Variants in FRMD4A observed in about 807,000 individuals in gnomAD.
FRMD4A encodes FERM domain-containing protein 4A.
In FRMD4A, 29 loss-of-function variants were observed where a neutral mutation model predicts 129.1. The ratio of observed to expected loss-of-function variants is 0.22; its 90% CI spans 0.17 to 0.31. FRMD4A has a LOEUF of 0.31. Ranked by LOEUF, FRMD4A falls within the 10% of genes least tolerant of loss-of-function variation. The pLI is 1.00. For missense variants in FRMD4A, 1,272 were observed against 1,375.8 expected (o/e 0.92, Z 1.19); for synonymous variants, 634 against 571.6 (o/e 1.11, Z -1.56).
intron 2 of FRMD4A, among the ~76,000 whole-genome samples, chr10:14,045,304 T>A (rs1268571516): frequency 6.6e-6 from 1 of 152,128 alleles, no homozygotes; most frequent in Non-Finnish European, 1.5e-5. Flanking sequence ...CAACATCTGG[T>A]GTGTTCTCAC....
At chr10:14,066,008 TTGTG>T (rs61167438) in intron 2 of FRMD4A, among the ~76,000 whole-genome samples, 127 of 139,222 alleles carry the variant, frequency 9.1e-4, no homozygotes, top group East Asian at 2.4e-3. Context: ...GGGTATGTAT[TTGTG>T]TGTGTGTGTG....
chr10:14,301,622 A>AT (rs571546393), intron 2 of FRMD4A, among the ~76,000 whole-genome samples: 4 of 152,012 alleles, frequency 2.6e-5, no homozygotes, highest in African/African-American at 4.8e-5. Context: ...TTTCTGTTGG[A>AT]TTTTTTTTCA....
intron 12 of FRMD4A, among the ~76,000 whole-genome samples, chr10:13,731,979 G>T (rs902873105): frequency 3.3e-5 from 5 of 152,150 alleles, no homozygotes; most frequent in Non-Finnish European, 7.3e-5. Flanking sequence ...TGTGTACCCT[G>T]CAGGCAATGA....
chr10:13,967,291 C>A (rs1244921985), intron 2 of FRMD4A, among the ~76,000 whole-genome samples: 2 of 151,874 alleles, frequency 1.3e-5, no homozygotes, highest in African/African-American at 2.4e-5. Flanking sequence ...GAGCTGAGAT[C>A]GCGCCACTGC....
chr10:13,730,227 A>G (rs2090227757), intron 12 of FRMD4A, among the ~76,000 whole-genome samples: 1 of 152,184 alleles, frequency 6.6e-6, no homozygotes, highest in Admixed American at 6.5e-5. Flanking sequence ...CCCCTCCCCT[A>G]CAGAGAGAGC....
intron 5 of FRMD4A, among the ~76,000 whole-genome samples, chr10:13,789,366 T>G (rs1482656147): frequency 2.0e-5 from 3 of 152,180 alleles, no homozygotes; most frequent in Admixed American, 2.0e-4. Context: ...CTCTCTTATT[T>G]TTTTGCTGCT....
intron 3 of FRMD4A, among the ~76,000 whole-genome samples, chr10:13,813,057 C>T (rs1467265227): frequency 6.6e-6 from 1 of 152,230 alleles, no homozygotes; most frequent in African/African-American, 2.4e-5. Flanking sequence ...CTGTGGCCAG[C>T]ACTAGCTCCA....
intron 15 of FRMD4A, among the ~76,000 whole-genome samples, chr10:13,680,493 C>T (rs1009620862): frequency 1.6e-4 from 24 of 151,874 alleles, no homozygotes; most frequent in African/African-American, 4.4e-4. Flanking sequence ...TTTGGGAGGC[C>T]GAGGTGGGCA....
chr10:14,161,636 G>A lies in FRMD4A; in HGVS notation c.45+168422C>T, dbSNP rs115052773. 1.9e-3 allele frequency among the ~76,000 whole-genome samples: 288 copies of A among 152,278 alleles called. 1 individual carries two copies. The highest frequency in any genetic ancestry group is 6.5e-3 in the African/African-American group (270 of 41,554). ...GTTGATCTCGTAGAGACAGAGAGTAGCATAATACTTACCAGAGGCTTGGAG... is the reference window on the plus strand; with the variant it reads ...GTTGATCTCGTAGAGACAGAGAGTAACATAATACTTACCAGAGGCTTGGAG... On this transcript the variant is annotated intron_variant, in intron 2 of 24. Transcript: ENST00000357447.
intron 2 of FRMD4A, among the ~76,000 whole-genome samples, chr10:14,053,021 CA>C: frequency 6.6e-5 from 10 of 152,156 alleles, no homozygotes; most frequent in Non-Finnish European, 1.5e-5. Context: ...GATCATATTT[CA>C]ATAAGAGATT....
intron 15 of FRMD4A, among the ~76,000 whole-genome samples, chr10:13,681,468 G>C (rs2084579007): frequency 9.5e-6 from 1 of 105,014 alleles, no homozygotes; most frequent in South Asian, 2.8e-4. Flanking sequence ...GTGCTACCTG[G>C]AAAGGGTTGT....
At chr10:14,209,864 G>A (rs991063809) in intron 2 of FRMD4A, among the ~76,000 whole-genome samples, 7 of 152,122 alleles carry the variant, frequency 4.6e-5, no homozygotes, top group African/African-American at 1.7e-4. Flanking sequence ...CTCCAACCTG[G>A]GTGACAGAGT....
At chr10:13,887,843 G>A (rs542207077) in intron 2 of FRMD4A, among the ~76,000 whole-genome samples, 46 of 152,304 alleles carry the variant, frequency 3.0e-4, no homozygotes, top group African/African-American at 9.9e-4. Context: ...GGTAGAGCTG[G>A]TTACTTCCAA....
chr10:13,826,532 G>A (rs149167805), intron 3 of FRMD4A, among the ~76,000 whole-genome samples: 3 of 152,012 alleles, frequency 2.0e-5, no homozygotes, highest in African/African-American at 7.3e-5. Flanking sequence ...GTCCCTCTCC[G>A]GCCCCAGTGA....
chr10:14,175,196 CT>C (rs1379813711), intron 2 of FRMD4A, among the ~76,000 whole-genome samples: 1 of 152,172 alleles, frequency 6.6e-6, no homozygotes. Context: ...GCCAGGACCC[CT>C]TTTGCATCAT....
At chr10:13,768,101 T>TGTGTGC (rs979850789) in intron 6 of FRMD4A, among the ~76,000 whole-genome samples, 9 of 151,948 alleles carry the variant, frequency 5.9e-5, no homozygotes, top group East Asian at 3.9e-4. Context: ...TGTGTGTGTG[T>TGTGTGC]GCGAACGTGC....
At chr10:14,256,629 T>G (rs1420360347) in intron 2 of FRMD4A, among the ~76,000 whole-genome samples, 1 of 152,094 alleles carries the variant, frequency 6.6e-6, no homozygotes, top group Non-Finnish European at 1.5e-5. Flanking sequence ...TATTATATTG[T>G]AAAGGAAATA....
chr10:13,913,755 G>C (rs940768996), intron 2 of FRMD4A, among the ~76,000 whole-genome samples: 6 of 152,162 alleles, frequency 3.9e-5, no homozygotes, highest in African/African-American at 1.4e-4. Context: ...TAGTAACTAG[G>C]ACTAGTACTA....
intron 14 of FRMD4A, among the ~76,000 whole-genome samples, chr10:13,699,005 G>C (rs1176910489): frequency 6.6e-6 from 1 of 151,076 alleles, no homozygotes; most frequent in Non-Finnish European, 1.5e-5. Context: ...GGGGCATTTG[G>C]TTTTACCTCC....
Sources: allele counts gnomAD v4.1 joint callset (sites outside exome capture counted in the v4.1 genomes callset), GRCh38; gene constraint gnomAD v4.1.1; transcripts MANE v1.5; gene names NCBI Gene and HGNC (gene_info 2026-07-23, HGNC 2026-07-21).